The following ZNF385D variants were observed in gnomAD, a reference collection of about 807,000 sequenced individuals.
ZNF385D encodes the protein zinc finger protein 659.
In ZNF385D, 15 loss-of-function variants were observed where a neutral mutation model predicts 35.8. The observed-to-expected ratio is 0.42, with a 90% CI of 0.28 to 0.64. The LOEUF (loss-of-function observed/expected upper bound fraction) is 0.64. Among genes scored for constraint, ZNF385D ranks in the 30% least tolerant of loss-of-function variants. ZNF385D has a pLI of 0.23. For synonymous variants in ZNF385D, 212 were observed against 186.8 expected (o/e 1.13, Z -1.10); for missense variants, 474 against 494.6 (o/e 0.96, Z 0.39).
intron 2 of ZNF385D, among the ~76,000 whole-genome samples, chr3:22,353,112 C>T (rs995654053): frequency 6.6e-6 from 1 of 152,182 alleles, no homozygotes. Context: ...GCGTTTGTTA[C>T]ATCCTATTCC....
chr3:21,626,164 T>A (rs2065128544), intron 2 of ZNF385D, among the ~76,000 whole-genome samples: 1 of 152,096 alleles, frequency 6.6e-6, no homozygotes, highest in African/African-American at 2.4e-5. Flanking sequence ...ACTATAAGAA[T>A]TCTGAAATTT....
chr3:22,208,255 T>C (rs536645142), intron 2 of ZNF385D, among the ~76,000 whole-genome samples: 31 of 151,996 alleles, frequency 2.0e-4, no homozygotes, highest in Non-Finnish European at 3.5e-4. Flanking sequence ...AGCTATTTGG[T>C]CATAAAATAT....
intron 2 of ZNF385D, among the ~76,000 whole-genome samples, chr3:21,662,641 T>G (rs186272736): frequency 1.7e-4 from 26 of 152,300 alleles, no homozygotes; most frequent in Middle Eastern, 3.4e-3. Context: ...AAGCAAGGAA[T>G]GACTTCATCC....
At chr3:21,922,092 A>T (rs1272009969) in intron 3 of ZNF385D, among the ~76,000 whole-genome samples, 1 of 152,188 alleles carries the variant, frequency 6.6e-6, no homozygotes, top group African/African-American at 2.4e-5. Context: ...GGGGTGAAAG[A>T]TCTCTACAAG....
intron 2 of ZNF385D, among the ~76,000 whole-genome samples, chr3:22,238,481 ACTT>A (rs1015493915): frequency 6.6e-6 from 1 of 150,896 alleles, no homozygotes; most frequent in African/African-American, 2.5e-5. Context: ...ATTTTTTTCA[ACTT>A]CTTTTAATAA....
chr3:22,078,711 A>C (rs897841190), intron 3 of ZNF385D, among the ~76,000 whole-genome samples: 4 of 152,086 alleles, frequency 2.6e-5, no homozygotes, highest in African/African-American at 9.6e-5. Context: ...GGCTATCAGG[A>C]ATCTGTATCA....
At chr3:22,228,659 T>C (rs111287894) in intron 2 of ZNF385D, among the ~76,000 whole-genome samples, 458 of 152,318 alleles carry the variant, frequency 3.0e-3, no homozygotes, top group African/African-American at 0.011. Flanking sequence ...GTATTGTTCC[T>C]GGGTGGGTCT....
chr3:22,116,670 T>C (rs1702827748), intron 3 of ZNF385D, among the ~76,000 whole-genome samples: 1 of 152,082 alleles, frequency 6.6e-6, no homozygotes, highest in Admixed American at 6.6e-5. Flanking sequence ...ACATAGTTGA[T>C]TTGAAGAGAT....
chr3:21,865,045 C>CTTTTTTTTTT (rs3073907), intron 3 of ZNF385D, among the ~76,000 whole-genome samples: 3 of 21,186 alleles, frequency 1.4e-4, no homozygotes, highest in African/African-American at 2.2e-4. Flanking sequence ...ACAGGGAAGA[C>CTTTTTTTTTT]TTTTTTTTTT....
chr3:21,923,841 G>A (rs973010273), intron 3 of ZNF385D, among the ~76,000 whole-genome samples: 6 of 152,118 alleles, frequency 3.9e-5, no homozygotes, highest in African/African-American at 1.4e-4. Context: ...CTAGAAGGGG[G>A]AGGGAGGGGA....
At chr3:22,126,940 T>C (rs1559389078) in intron 3 of ZNF385D, among the ~76,000 whole-genome samples, 1 of 152,156 alleles carries the variant, frequency 6.6e-6, no homozygotes. Context: ...TCTTTGTCCC[T>C]TTTTTGTGAT....
At chr3:21,441,930 C>T (rs2125247763) in intron 4 of ZNF385D, among the ~76,000 whole-genome samples, 1 of 152,164 alleles carries the variant, frequency 6.6e-6, no homozygotes, top group Middle Eastern at 3.4e-3. Flanking sequence ...ATTTCTGTGC[C>T]ATTTTTCTGC....
intron 3 of ZNF385D, among the ~76,000 whole-genome samples, chr3:22,166,289 C>T (rs35930172): frequency 0.21 from 30,928 of 150,290 alleles, 3,298 homozygotes; most frequent in African/African-American, 0.25. Flanking sequence ...AATCCAGCAA[C>T]AAATATTTTG....
intron 3 of ZNF385D, among the ~76,000 whole-genome samples, chr3:22,063,407 A>G (rs1699784341): frequency 6.6e-6 from 1 of 152,180 alleles, no homozygotes; most frequent in Non-Finnish European, 1.5e-5. Flanking sequence ...CAGAGAGCCT[A>G]GTTTCTAAAA....
chr3:21,777,172 G>A (rs1351917455), intron 3 of ZNF385D, among the ~76,000 whole-genome samples: 2 of 151,898 alleles, frequency 1.3e-5, no homozygotes, highest in Non-Finnish European at 2.9e-5. Flanking sequence ...ACTAGCTTCT[G>A]TATGCAATTG....
At chr3:22,085,330 A>G (rs993192874) in intron 3 of ZNF385D, among the ~76,000 whole-genome samples, 13 of 152,122 alleles carry the variant, frequency 8.5e-5, no homozygotes, top group African/African-American at 3.1e-4. Flanking sequence ...GACCTCTAAC[A>G]AGACTAATAA....
chr3:22,264,178 G>C (rs1700777460), intron 2 of ZNF385D, among the ~76,000 whole-genome samples: 1 of 151,948 alleles, frequency 6.6e-6, no homozygotes, highest in Non-Finnish European at 1.5e-5. Flanking sequence ...ATTTGGACTA[G>C]GTCTTGGCAG....
chr3:22,367,554 C>T (rs1374208873), intron 2 of ZNF385D, among the ~76,000 whole-genome samples: 1 of 151,914 alleles, frequency 6.6e-6, no homozygotes, highest in African/African-American at 2.4e-5. Context: ...AGACACCTAA[C>T]TTCTGGAAGT....
intron 2 of ZNF385D, among the ~76,000 whole-genome samples, chr3:22,323,559 G>C (rs1320090601): frequency 6.6e-6 from 1 of 152,156 alleles, no homozygotes; most frequent in African/African-American, 2.4e-5. Flanking sequence ...GGCTAAAGGG[G>C]AATTTAGCTA....
Sources: allele counts gnomAD v4.1 joint callset (sites outside exome capture counted in the v4.1 genomes callset), GRCh38; gene constraint gnomAD v4.1.1; transcripts MANE v1.5; gene names NCBI Gene and HGNC (gene_info 2026-07-23, HGNC 2026-07-21).